The following SP100 variants were observed in gnomAD, a reference collection of about 807,000 sequenced individuals.
SP100 encodes the protein SP100 nuclear body protein, also known as nuclear autoantigen Sp-100.
A neutral mutation model predicts 130.0 loss-of-function variants in SP100; 84 were observed. That is an observed-to-expected ratio of 0.65 (90% CI 0.54 to 0.77). The LOEUF is 0.77. Among genes scored for constraint, SP100 ranks in the 30% least tolerant of loss-of-function variants. SP100 has a pLI of 0.00. For missense variants in SP100, 978 were observed against 1,052.2 expected (o/e 0.93, Z 0.97); for synonymous variants, 331 against 351.7 (o/e 0.94, Z 0.66).
At position 230,541,908 on chromosome 2, in the gene SP100, A is replaced by G. The variant is rs202202235; in HGVS notation, c.2420A>G (p.Gln807Arg). 6.2e-7 allele frequency: 1 copy of G among 1,613,766 alleles called. No homozygotes were observed. The change falls in exon 28 of 29, where the codon CAG becomes CGG. Residue 807 changes from glutamine (Q) to arginine (R), a missense_variant. By Grantham distance (43) the Gln-to-Arg change is conservative. Coordinates refer to ENST00000340126, the MANE Select transcript of SP100 (RefSeq NM_001080391.2). ...ACTCAACAGAACAGAGAGGGGTCTC[A>G]GGGCCCACAGAAGCCCATGTGGTTA... ...SEPYYNREGS[Q>R]GPQKPMWLNK... is the part of the protein sequence containing the mutation.
intron 24 of SP100, among the ~76,000 whole-genome samples, chr2:230,534,625 T>C (rs1691846178): frequency 6.6e-6 from 1 of 152,234 alleles, no homozygotes; most frequent in Non-Finnish European, 1.5e-5. Flanking sequence ...GACTTATTTG[T>C]TACATTAGAA....
chr2:230,541,753 G>T, intron 27 of SP100, 139 bp from the exon 28 acceptor site: 2 of 835,398 alleles, frequency 2.4e-6, no homozygotes, highest in Non-Finnish European at 3.7e-6. Context: ...ACCTCCCAAA[G>T]GTCCCACCTC....
intron 2 of SP100, among the ~76,000 whole-genome samples, chr2:230,435,118 C>A (rs898557142): frequency 6.6e-6 from 1 of 152,210 alleles, no homozygotes; most frequent in African/African-American, 2.4e-5. Flanking sequence ...GTAATTCATG[C>A]TTACACCAGG....
chr2:230,518,766 C>T (rs1160588121), intron 24 of SP100, among the ~76,000 whole-genome samples: 1 of 152,050 alleles, frequency 6.6e-6, no homozygotes, highest in Non-Finnish European at 1.5e-5. Flanking sequence ...CAGATGTTCA[C>T]TTAAGAAAGA....
intron 19 of SP100, among the ~76,000 whole-genome samples, 195 bp from the exon 20 acceptor site, chr2:230,502,871 G>C (rs551048140): frequency 6.6e-6 from 1 of 152,304 alleles, no homozygotes; most frequent in East Asian, 1.9e-4. Context: ...GAGTTGAGTA[G>C]TCACAACAGA....
intron 2 of SP100, among the ~76,000 whole-genome samples, chr2:230,435,635 G>A (rs1158163973): frequency 6.6e-6 from 1 of 152,106 alleles, no homozygotes; most frequent in African/African-American, 2.4e-5. Context: ...GTGTGCCATG[G>A]TGATTCGCTG....
chr2:230,499,819 C>T (rs543478948), intron 19 of SP100, among the ~76,000 whole-genome samples: 76 of 152,178 alleles, frequency 5.0e-4, no homozygotes, highest in African/African-American at 1.7e-3. Flanking sequence ...TTCCCAGGGA[C>T]GGAGGTCCAT....
chr2:230,454,517 A>T lies in SP100; in HGVS notation c.820+4262A>T, dbSNP rs147641728. On this transcript the variant is annotated intron_variant, in intron 8 of 28. Coordinates refer to ENST00000340126, the MANE Select transcript of SP100 (RefSeq NM_001080391.2). ...CTTCATTTGTCTCAAGATTTAAAAAATTTTTTCCCTTTAATTTCTTCATTG... is the reference window on the plus strand; with the variant it reads ...CTTCATTTGTCTCAAGATTTAAAAATTTTTTTCCCTTTAATTTCTTCATTG... 8.8e-3 allele frequency among the ~76,000 whole-genome samples: 1,336 copies of T among 152,074 alleles called. 9 individuals are homozygous for T. The highest frequency in any genetic ancestry group is 0.013 in the Non-Finnish European group (863 of 67,966).
intron 19 of SP100, among the ~76,000 whole-genome samples, chr2:230,501,847 C>A (rs6751402): frequency 3.9e-5 from 6 of 151,972 alleles, no homozygotes; most frequent in Non-Finnish European, 8.8e-5. Flanking sequence ...ACACACCGAT[C>A]AACACATAGA....
At chr2:230,422,591 C>G (rs776063614) in intron 2 of SP100, among the ~76,000 whole-genome samples, 1 of 152,174 alleles carries the variant, frequency 6.6e-6, no homozygotes, top group Non-Finnish European at 1.5e-5. Context: ...AAATTAGCTA[C>G]CATATATGCC....
At chr2:230,487,797 T>C (rs561517691) in intron 17 of SP100, among the ~76,000 whole-genome samples, 1 of 152,382 alleles carries the variant, frequency 6.6e-6, no homozygotes, top group East Asian at 1.9e-4. Context: ...TTTCATGATA[T>C]TGATTCTTCC....
At chr2:230,455,029 A>G (rs1024695779) in intron 8 of SP100, among the ~76,000 whole-genome samples, 2 of 152,064 alleles carry the variant, frequency 1.3e-5, no homozygotes, top group Admixed American at 1.3e-4. Context: ...TCATTACATA[A>G]TGACCTTCTT....
At chr2:230,493,078 G>A (rs1349915319) in intron 17 of SP100, among the ~76,000 whole-genome samples, 2 of 152,046 alleles carry the variant, frequency 1.3e-5, no homozygotes, top group African/African-American at 4.8e-5. Context: ...TGAAGAGATA[G>A]GTACTTTTGA....
chr2:230,511,150 C>G lies in SP100; in HGVS notation c.2078C>G (p.Thr693Ser). The change falls in exon 24 of 29, where the codon ACC becomes AGC. Residue 693 changes from threonine (T) to serine (S), a missense_variant. Transcript: ENST00000340126. ...AGAATACTGGAATCTCACAACAATA[C>G]CTTAGTTGACCCTTGTGTAAGTATA... ...KKRILESHNN[T>S]LVDPCPENSN... is the part of the protein sequence containing the mutation. The G allele has an allele frequency of 6.2e-7, 1 of 1,608,654 alleles. No individual in the cohort carries two copies. Among genetic ancestry groups the G allele is most frequent in the South Asian group, 1.1e-5 (1 of 90,962 alleles).
chr2:230,439,859 T>C (rs969239485), intron 2 of SP100, among the ~76,000 whole-genome samples: 10 of 152,148 alleles, frequency 6.6e-5, no homozygotes, highest in Admixed American at 6.5e-4. Flanking sequence ...TCCTGTTTTA[T>C]CTTTTACAAC....
At chr2:230,417,792 CA>C in intron 2 of SP100, 127 bp downstream of exon 2, 1 of 1,374,204 alleles carries the variant, frequency 7.3e-7, no homozygotes, top group Non-Finnish European at 9.6e-7. Flanking sequence ...TGTTTTTTGC[CA>C]ATATGATTCC....
rs1402201375 is a variant in SP100 at position 230,494,449 on chromosome 2, G to A, written c.1634G>A (p.Gly545Asp). ...KKRRHRSKVN[G>D]LQRGRKKDRP... The stretch of plus-strand genomic sequence containing the variant: ...AGAAGGCATAGATCTAAAGTAAATG[G>A]TCTCCAAAGAGGTAAGAAGAAATGT... Residue 545 changes from glycine (G) to aspartate (D), a missense_variant, in exon 18 of 29, where the codon GGT becomes GAT. By Grantham distance (94) the Gly-to-Asp change is moderately conservative. Coordinates refer to ENST00000340126, the MANE Select transcript of SP100 (RefSeq NM_001080391.2). 1 of 1,608,134 alleles carries A rather than the reference G, an allele frequency of 6.2e-7. No individual in the cohort carries two copies. The highest frequency in any genetic ancestry group is 8.5e-7 in the Non-Finnish European group (1 of 1,174,752).
chr2:230,471,204 G>T (rs960878095), intron 15 of SP100, among the ~76,000 whole-genome samples: 1 of 152,168 alleles, frequency 6.6e-6, no homozygotes, highest in African/African-American at 2.4e-5. Context: ...TGAGCTCACC[G>T]AATCAAAGAG....
At chr2:230,515,159 C>T (rs775710100) in intron 24 of SP100, 22 of 1,613,324 alleles carry the variant, frequency 1.4e-5, no homozygotes, top group Non-Finnish European at 1.7e-5. Flanking sequence ...AAGAAGTGCT[C>T]AGAGACATGG....
Sources: allele counts gnomAD v4.1 joint callset (sites outside exome capture counted in the v4.1 genomes callset), GRCh38; gene constraint gnomAD v4.1.1; transcripts MANE v1.5; gene names NCBI Gene and HGNC (gene_info 2026-07-23, HGNC 2026-07-21).